Variants in CSMD1 observed in about 807,000 individuals in gnomAD.
CSMD1 encodes the protein CUB and Sushi multiple domains 1, also known as CUB and sushi domain-containing protein 1.
CSMD1 carries 213 observed loss-of-function variants against 417.5 expected under a neutral mutation model. That is an observed-to-expected ratio of 0.51 (90% CI 0.46 to 0.57). The LOEUF (loss-of-function observed/expected upper bound fraction) is 0.57, where lower values mean the gene tolerates loss of function less well. Ranked by LOEUF, CSMD1 falls within the 20% of genes least tolerant of loss-of-function variation. The pLI is 0.00. For synonymous variants in CSMD1, 2,862 were observed against 1,736.8 expected (o/e 1.65, Z -16.11); for missense variants, 6,923 against 4,529.7 (o/e 1.53, Z -15.17).
intron 1 of CSMD1, among the ~76,000 whole-genome samples, chr8:4,658,091 T>G (rs1043100322): frequency 7.9e-5 from 12 of 151,448 alleles, no homozygotes; most frequent in Admixed American, 2.6e-4. Flanking sequence ...TAAACAGAGC[T>G]TAAGAAACAC....
chr8:3,577,506 T>A (rs1282800382), intron 9 of CSMD1, among the ~76,000 whole-genome samples: 2 of 152,230 alleles, frequency 1.3e-5, no homozygotes, highest in Non-Finnish European at 2.9e-5. Flanking sequence ...AAAATGGTCA[T>A]CTAAAATGAA....
At chr8:3,560,569 A>G (rs1799425908) in intron 10 of CSMD1, among the ~76,000 whole-genome samples, 2 of 152,188 alleles carry the variant, frequency 1.3e-5, no homozygotes, top group South Asian at 2.1e-4. Flanking sequence ...ATGACTCTTA[A>G]AATGAATGGG....
At chr8:3,474,494 A>G (rs1035477467) in intron 11 of CSMD1, among the ~76,000 whole-genome samples, 19 of 152,094 alleles carry the variant, frequency 1.2e-4, no homozygotes, top group African/African-American at 4.3e-4. Flanking sequence ...GTAAACAGTA[A>G]TCTTTCTTGT....
chr8:4,541,043 A>G (rs563929796), intron 2 of CSMD1, among the ~76,000 whole-genome samples: 1 of 152,308 alleles, frequency 6.6e-6, no homozygotes, highest in Admixed American at 6.5e-5. Flanking sequence ...ATGTTTCACA[A>G]ACTCGATTGT....
At chr8:3,376,285 T>C (rs1244746770) in intron 18 of CSMD1, among the ~76,000 whole-genome samples, 1 of 152,022 alleles carries the variant, frequency 6.6e-6, no homozygotes, top group African/African-American at 2.4e-5. Flanking sequence ...CAAGTATGGA[T>C]GAAAAGGGTA....
chr8:3,489,824 T>G (rs1818268664), intron 11 of CSMD1, among the ~76,000 whole-genome samples: 1 of 152,208 alleles, frequency 6.6e-6, no homozygotes, highest in South Asian at 2.1e-4. Flanking sequence ...TAACTAGAAT[T>G]CCATATTTCC....
chr8:3,625,494 T>G (rs1796447800), intron 7 of CSMD1, among the ~76,000 whole-genome samples: 1 of 152,274 alleles, frequency 6.6e-6, no homozygotes, highest in Middle Eastern at 3.4e-3. Context: ...GATCACCTAT[T>G]ATCATAATTC....
chr8:3,028,369 C>T (rs1421862727), intron 51 of CSMD1, among the ~76,000 whole-genome samples: 7 of 152,108 alleles, frequency 4.6e-5, no homozygotes, highest in South Asian at 2.1e-4. Flanking sequence ...CAAAGAGGAA[C>T]GGCTCTGCAA....
chr8:3,296,141 C>T (rs1383624228), intron 25 of CSMD1, among the ~76,000 whole-genome samples: 1 of 151,908 alleles, frequency 6.6e-6, no homozygotes, highest in African/African-American at 2.4e-5. Context: ...CACTGGGATA[C>T]TAATTCTTAG....
At chr8:3,823,783 G>C (rs961096767) in intron 5 of CSMD1, among the ~76,000 whole-genome samples, 7 of 151,816 alleles carry the variant, frequency 4.6e-5, no homozygotes, top group African/African-American at 1.7e-4. Flanking sequence ...GTCAGTCTTG[G>C]TCAGTTTAAC....
chr8:3,145,998 T>G (rs1818820490), intron 40 of CSMD1, among the ~76,000 whole-genome samples: 1 of 152,240 alleles, frequency 6.6e-6, no homozygotes, highest in Non-Finnish European at 1.5e-5. Context: ...TGATAGAACC[T>G]GTGAATATTA....
At position 4,615,317 on chromosome 8, in the gene CSMD1, C is replaced by T. The variant is rs150629915; in HGVS notation, c.302+22025G>A. Among the ~76,000 whole-genome samples, 668 of 152,234 alleles carry T rather than the reference C, an allele frequency of 4.4e-3. 2 individuals are homozygous for T. The highest frequency in any genetic ancestry group is 0.01 in the African/African-American group (433 of 41,548). On this transcript the variant is annotated intron_variant, in intron 2 of 69. Coordinates refer to ENST00000635120, the MANE Select transcript of CSMD1 (RefSeq NM_033225.6). ...CATTGGGTTTACGCAGTATCTTCCC[C>T]CAAACCCAGAAAACTCTCAGACACC...
chr8:3,750,911 T>G (rs1584943282), intron 6 of CSMD1, among the ~76,000 whole-genome samples: 1 of 152,144 alleles, frequency 6.6e-6, no homozygotes, highest in Non-Finnish European at 1.5e-5. Flanking sequence ...AAAATAATCG[T>G]AGTGCCTTTC....
At chr8:3,778,840 A>C (rs1056965920) in intron 5 of CSMD1, among the ~76,000 whole-genome samples, 1 of 152,172 alleles carries the variant, frequency 6.6e-6, no homozygotes, top group African/African-American at 2.4e-5. Flanking sequence ...ATTATTCCTC[A>C]TTGAATACTC....
At chr8:3,907,525 A>C (rs147500899) in intron 5 of CSMD1, among the ~76,000 whole-genome samples, 230 of 152,238 alleles carry the variant, frequency 1.5e-3, no homozygotes, top group African/African-American at 5.2e-3. Flanking sequence ...AATTGTGCAG[A>C]TCTTTGCTTT....
At chr8:4,767,122 G>A (rs1379519638) in intron 1 of CSMD1, among the ~76,000 whole-genome samples, 1 of 152,018 alleles carries the variant, frequency 6.6e-6, no homozygotes, top group Non-Finnish European at 1.5e-5. Flanking sequence ...TTTGGATTTC[G>A]ACAAAGCGAT....
At chr8:4,264,163 C>G (rs1194040312) in intron 3 of CSMD1, among the ~76,000 whole-genome samples, 1 of 152,144 alleles carries the variant, frequency 6.6e-6, no homozygotes, top group African/African-American at 2.4e-5. Context: ...CTCTTGGGCA[C>G]TATGCAGAAG....
At chr8:4,076,278 T>A (rs898135919) in intron 3 of CSMD1, among the ~76,000 whole-genome samples, 1 of 152,198 alleles carries the variant, frequency 6.6e-6, no homozygotes, top group East Asian at 1.9e-4. Context: ...AGAATATGTT[T>A]GCTTCTCCCT....
chr8:3,171,733 A>G (rs11988627), intron 37 of CSMD1, among the ~76,000 whole-genome samples: 49,840 of 152,052 alleles, frequency 0.33, 9,326 homozygotes, highest in African/African-American at 0.51. Flanking sequence ...ATAATTTTCA[A>G]GTGAGCACAA....
Sources: allele counts gnomAD v4.1 joint callset (sites outside exome capture counted in the v4.1 genomes callset), GRCh38; gene constraint gnomAD v4.1.1; transcripts MANE v1.5; gene names NCBI Gene and HGNC (gene_info 2026-07-23, HGNC 2026-07-21).